Variants in LDB2 observed in about 807,000 individuals in gnomAD.
The protein encoded by LDB2 is LIM domain binding 2, also known as LIM domain-binding protein 2.
In LDB2, 12 loss-of-function variants were observed where a neutral mutation model predicts 44.3. The ratio of observed to expected loss-of-function variants is 0.27; its 90% CI spans 0.17 to 0.44. The LOEUF (loss-of-function observed/expected upper bound fraction) is 0.44, where lower values mean the gene tolerates loss of function less well. LDB2 is among the 20% of genes least tolerant of loss of function. The pLI, the probability that LDB2 is intolerant of heterozygous loss-of-function variation, is 1.00. For missense variants in LDB2, 344 were observed against 473.5 expected (o/e 0.73, Z 2.54); for synonymous variants, 164 against 174.8 (o/e 0.94, Z 0.49).
chr4:16,701,542 C>T (rs1753433015), intron 2 of LDB2, among the ~76,000 whole-genome samples: 1 of 152,194 alleles, frequency 6.6e-6, no homozygotes, highest in Non-Finnish European at 1.5e-5. Flanking sequence ...GCACCAAGAA[C>T]ACTGTGATCG....
intron 2 of LDB2, among the ~76,000 whole-genome samples, chr4:16,739,606 ATATGTATATATACATGTG>A (rs1561054196): frequency 2.6e-4 from 23 of 88,496 alleles, no homozygotes; most frequent in African/African-American, 8.5e-4. Context: ...ATATATATAT[ATATGTATATATACATGTG>A]TGTGTATATA....
chr4:16,539,607 C>A (rs184867725), intron 5 of LDB2, among the ~76,000 whole-genome samples: 2 of 152,136 alleles, frequency 1.3e-5, no homozygotes, highest in African/African-American at 4.8e-5. Context: ...GCAAGGCACA[C>A]AAAAATAGTT....
chr4:16,776,350 G>T (rs1771900395), intron 1 of LDB2, among the ~76,000 whole-genome samples: 2 of 152,206 alleles, frequency 1.3e-5, no homozygotes, highest in South Asian at 4.1e-4. Flanking sequence ...CCCCACTCTT[G>T]CCTTCAGTGA....
chr4:16,694,627 G>A (rs376103627), intron 2 of LDB2, among the ~76,000 whole-genome samples: 4 of 151,956 alleles, frequency 2.6e-5, no homozygotes, highest in South Asian at 4.2e-4. Context: ...GGACACAGCC[G>A]GCTTGAAACT....
chr4:16,729,866 C>G (rs962603143), intron 2 of LDB2, among the ~76,000 whole-genome samples: 2 of 152,150 alleles, frequency 1.3e-5, no homozygotes, highest in Non-Finnish European at 2.9e-5. Flanking sequence ...TCTAAAATAA[C>G]GACCGCATGA....
At chr4:16,837,937 T>C (rs562653051) in intron 1 of LDB2, among the ~76,000 whole-genome samples, 1 of 152,378 alleles carries the variant, frequency 6.6e-6, no homozygotes, top group Non-Finnish European at 1.5e-5. Flanking sequence ...CACTGAATTC[T>C]GTAAAAAGTA....
At chr4:16,504,273 T>G (rs1718476840) in intron 7 of LDB2, among the ~76,000 whole-genome samples, 1 of 152,200 alleles carries the variant, frequency 6.6e-6, no homozygotes, top group Non-Finnish European at 1.5e-5. Context: ...ATTTTGAAAG[T>G]GTCCATTGAA....
chr4:16,541,163 A>C (rs1228899485), intron 5 of LDB2, among the ~76,000 whole-genome samples: 1 of 152,156 alleles, frequency 6.6e-6, no homozygotes, highest in African/African-American at 2.4e-5. Flanking sequence ...ATGTTTAATT[A>C]TAATCCCCAG....
chr4:16,785,051 C>T (rs176288), intron 1 of LDB2, among the ~76,000 whole-genome samples: 13 of 150,918 alleles, frequency 8.6e-5, no homozygotes, highest in Non-Finnish European at 1.5e-4. Flanking sequence ...TAATAGTAAA[C>T]GAAAGAAAAA....
chr4:16,854,033 G>C (rs1232909878), intron 1 of LDB2, among the ~76,000 whole-genome samples: 2 of 152,048 alleles, frequency 1.3e-5, no homozygotes, highest in African/African-American at 4.8e-5. Context: ...TAAAATAACA[G>C]ATGTAGGATG....
chr4:16,649,244 T>C (rs1417013124), intron 2 of LDB2, among the ~76,000 whole-genome samples: 8 of 152,216 alleles, frequency 5.3e-5, no homozygotes, highest in Admixed American at 5.2e-4. Flanking sequence ...GCTAGGTTTA[T>C]ACTGGGAACG....
intron 1 of LDB2, among the ~76,000 whole-genome samples, chr4:16,885,252 C>T (rs752116833): frequency 8.0e-5 from 12 of 150,644 alleles, no homozygotes; most frequent in Non-Finnish European, 1.5e-4. Context: ...GTGAGAAATT[C>T]GAGTCTTGGA....
At chr4:16,676,134 C>T (rs77683405) in intron 2 of LDB2, among the ~76,000 whole-genome samples, 3,481 of 152,238 alleles carry the variant, frequency 0.023, 140 homozygotes, top group African/African-American at 0.079. Context: ...CACCGCAGGG[C>T]GTGGAGGAGA....
chr4:16,568,324 G>A (rs1402599219), intron 5 of LDB2, among the ~76,000 whole-genome samples: 1 of 152,158 alleles, frequency 6.6e-6, no homozygotes, highest in Non-Finnish European at 1.5e-5. Context: ...ATATCGAGTA[G>A]CTTAAACGGG....
At chr4:16,840,349 CAT>C (rs779204710) in intron 1 of LDB2, among the ~76,000 whole-genome samples, 1 of 152,088 alleles carries the variant, frequency 6.6e-6, no homozygotes, top group South Asian at 2.1e-4. Context: ...TAAAAAGATA[CAT>C]ATATATATCT....
intron 1 of LDB2, among the ~76,000 whole-genome samples, chr4:16,793,390 T>C (rs1003817691): frequency 6.6e-6 from 1 of 152,128 alleles, no homozygotes; most frequent in South Asian, 2.1e-4. Context: ...CTTCAGGTGG[T>C]ATTTTGTGCT....
chr4:16,879,131 T>A (rs1719303391), intron 1 of LDB2, among the ~76,000 whole-genome samples: 1 of 152,176 alleles, frequency 6.6e-6, no homozygotes, highest in Non-Finnish European at 1.5e-5. Flanking sequence ...TTGATATAGA[T>A]GTACCAAATG....
intron 5 of LDB2, among the ~76,000 whole-genome samples, chr4:16,547,856 G>A (rs1736292064): frequency 6.6e-6 from 1 of 152,116 alleles, no homozygotes; most frequent in Non-Finnish European, 1.5e-5. Flanking sequence ...AAAGGGCTGA[G>A]AATACTGCTT....
intron 1 of LDB2, among the ~76,000 whole-genome samples, chr4:16,796,572 C>A (rs1776788775): frequency 6.6e-6 from 1 of 152,098 alleles, no homozygotes; most frequent in Non-Finnish European, 1.5e-5. Flanking sequence ...TGTAGACACC[C>A]CCCTTGCAAG....
Sources: gnomAD v4.1 joint callset for allele counts (sites outside exome capture counted in the v4.1 genomes callset) on GRCh38, gnomAD v4.1.1 for gene constraint, MANE v1.5 for transcripts, NCBI Gene and HGNC (gene_info 2026-07-23, HGNC 2026-07-21) for gene names.